Variants in SOX5 observed in about 807,000 individuals in gnomAD.
SOX5 encodes the protein SRY-box transcription factor 5, also known as transcription factor SOX-5.
In SOX5, 9 loss-of-function variants were observed where a neutral mutation model predicts 92.0. The observed-to-expected ratio is 0.10, with a 90% confidence interval of 0.06 to 0.17. SOX5 has a LOEUF of 0.17. SOX5 is among the 10% of genes least tolerant of loss of function. The pLI, the probability that SOX5 is intolerant of heterozygous loss-of-function variation, is 1.00. For missense variants in SOX5, 642 were observed against 944.5 expected, an observed-to-expected ratio of 0.68 and a Z score of 4.20; for synonymous variants, 344 against 336.3, an observed-to-expected ratio of 1.02 and a Z score of -0.25.
At chr12:24,024,266 AG>A (rs1167233823) in intron 4 of SOX5, among the ~76,000 whole-genome samples, 1 of 152,002 alleles carries the variant, frequency 6.6e-6, no homozygotes, top group Non-Finnish European at 1.5e-5. Context: ...CACATTGTAA[AG>A]GTCTACTGTG....
At chr12:23,853,486 G>A (rs1157250283) in intron 2 of SOX5, among the ~76,000 whole-genome samples, 1 of 149,650 alleles carries the variant, frequency 6.7e-6, no homozygotes, top group African/African-American at 2.4e-5. Flanking sequence ...AGGAGAAACA[G>A]TTTTAAAAAT....
intron 6 of SOX5, among the ~76,000 whole-genome samples, chr12:23,724,420 T>A (rs1047052352): frequency 1.3e-5 from 2 of 152,178 alleles, no homozygotes; most frequent in Non-Finnish European, 2.9e-5. Flanking sequence ...AATAGGCTGC[T>A]CCTTCTTCTT....
chr12:23,973,144 A>G (rs1948530003), intron 4 of SOX5, among the ~76,000 whole-genome samples: 1 of 149,310 alleles, frequency 6.7e-6, no homozygotes, highest in African/African-American at 2.5e-5. Flanking sequence ...CAAATGACAG[A>G]ATTTCTAACT....
intron 6 of SOX5, among the ~76,000 whole-genome samples, chr12:23,695,430 C>T (rs1228432713): frequency 3.3e-5 from 5 of 152,090 alleles, no homozygotes; most frequent in Admixed American, 3.3e-4. Context: ...GAGGATAGTT[C>T]TAAGTTCTGT....
At chr12:24,249,232 C>A (rs1413312306) in intron 3 of SOX5, among the ~76,000 whole-genome samples, 1 of 152,210 alleles carries the variant, frequency 6.6e-6, no homozygotes, top group East Asian at 1.9e-4. Context: ...TAGGCTTGCA[C>A]TTGCCCTCCT....
At chr12:24,000,216 T>G (rs985571534) in intron 4 of SOX5, among the ~76,000 whole-genome samples, 4 of 151,300 alleles carry the variant, frequency 2.6e-5, no homozygotes, top group African/African-American at 9.7e-5. Context: ...AGATAAGAAG[T>G]TGGTAACTTC....
intron 6 of SOX5, among the ~76,000 whole-genome samples, chr12:23,709,309 T>C (rs1461337108): frequency 6.6e-6 from 1 of 152,054 alleles, no homozygotes; most frequent in Non-Finnish European, 1.5e-5. Flanking sequence ...CTCCCTGTGC[T>C]GCCCAGACTG....
chr12:24,469,509 G>A (rs1163918982), intron 1 of SOX5, among the ~76,000 whole-genome samples: 3 of 152,010 alleles, frequency 2.0e-5, no homozygotes, highest in East Asian at 1.9e-4. Context: ...CTATATTCAC[G>A]ACTTCCTAAT....
intron 4 of SOX5, among the ~76,000 whole-genome samples, chr12:24,132,136 A>G (rs1430364550): frequency 1.3e-5 from 2 of 152,184 alleles, no homozygotes; most frequent in African/African-American, 4.8e-5. Context: ...ACATTCAACA[A>G]ACGTGTAGAT....
At chr12:23,909,687 A>G (rs1367306422) in intron 1 of SOX5, among the ~76,000 whole-genome samples, 1 of 152,184 alleles carries the variant, frequency 6.6e-6, no homozygotes, top group East Asian at 1.9e-4. Context: ...GTCAAAGAAC[A>G]TAGTTAAGGG....
At chr12:23,666,413 C>T (rs1277227445) in intron 6 of SOX5, among the ~76,000 whole-genome samples, 4 of 152,066 alleles carry the variant, frequency 2.6e-5, no homozygotes, top group South Asian at 2.1e-4. Context: ...TTGTTTGAGC[C>T]GAAAAGGAAT....
chr12:24,275,953 T>C (rs1944385706), intron 3 of SOX5, among the ~76,000 whole-genome samples: 1 of 152,156 alleles, frequency 6.6e-6, no homozygotes, highest in Non-Finnish European at 1.5e-5. Flanking sequence ...TTGTATTAGT[T>C]ATATTCCTTA....
At chr12:23,561,300 T>G (rs1946154812) in intron 11 of SOX5, among the ~76,000 whole-genome samples, 1 of 152,106 alleles carries the variant, frequency 6.6e-6, no homozygotes, top group African/African-American at 2.4e-5. Flanking sequence ...ACTGTGGAGA[T>G]GGAACGAGAA....
intron 3 of SOX5, among the ~76,000 whole-genome samples, chr12:23,759,153 G>C (rs114326464): frequency 1.8e-3 from 279 of 151,766 alleles, no homozygotes; most frequent in African/African-American, 6.5e-3. Context: ...GTAAAAACTT[G>C]ATAAATGTTC....
At chr12:24,236,975 G>T (rs1016771990) in intron 3 of SOX5, among the ~76,000 whole-genome samples, 1 of 152,148 alleles carries the variant, frequency 6.6e-6, no homozygotes, top group Non-Finnish European at 1.5e-5. Context: ...CAGGGCATCA[G>T]TTGGGAAAAG....
At chr12:23,893,765 A>C (rs2097151809) in intron 2 of SOX5, among the ~76,000 whole-genome samples, 1 of 152,196 alleles carries the variant, frequency 6.6e-6, no homozygotes. Context: ...GGAATGTCTG[A>C]CTTTCTTACA....
chr12:24,397,110 T>A (rs1269339905), intron 1 of SOX5, among the ~76,000 whole-genome samples: 1 of 152,178 alleles, frequency 6.6e-6, no homozygotes, highest in Non-Finnish European at 1.5e-5. Flanking sequence ...TTAGAAACCC[T>A]CCAATCATTC....
chr12:23,805,751 G>C (rs1303473075), intron 3 of SOX5, among the ~76,000 whole-genome samples: 1 of 152,140 alleles, frequency 6.6e-6, no homozygotes, highest in Non-Finnish European at 1.5e-5. Flanking sequence ...TCAGAACAAA[G>C]TCAAACTTAT....
At chr12:24,115,067 G>A (rs546722872) in intron 4 of SOX5, among the ~76,000 whole-genome samples, 7 of 152,030 alleles carry the variant, frequency 4.6e-5, no homozygotes, top group Admixed American at 6.6e-5. Context: ...GAACGAAGAC[G>A]GAATGTATAA....
Sources: gnomAD v4.1 joint callset for allele counts (sites outside exome capture counted in the v4.1 genomes callset) on GRCh38, gnomAD v4.1.1 for gene constraint, MANE v1.5 for transcripts, NCBI Gene and HGNC (gene_info 2026-07-23, HGNC 2026-07-21) for gene names.